The following HCRTR2 variants were observed in gnomAD, a reference collection of about 807,000 sequenced individuals.
HCRTR2 encodes hypocretin receptor 2, also known as orexin receptor type 2.
HCRTR2 carries 22 observed loss-of-function variants against 49.0 expected under a neutral mutation model. That is an observed-to-expected ratio of 0.45 (90% CI 0.32 to 0.64). The LOEUF (loss-of-function observed/expected upper bound fraction) is 0.64, where lower values mean the gene tolerates loss of function less well. Among genes scored for constraint, HCRTR2 ranks in the 30% least tolerant of loss-of-function variants. The pLI is 0.04. For missense variants in HCRTR2, 491 were observed against 559.4 expected (o/e 0.88, Z 1.23); for synonymous variants, 236 against 205.3 (o/e 1.15, Z -1.28).
chr6:55,167,656 A>G (rs1444967567), intron 1 of HCRTR2, among the ~76,000 whole-genome samples: 3 of 152,120 alleles, frequency 2.0e-5, no homozygotes, highest in African/African-American at 7.2e-5. Context: ...GAAAATACAC[A>G]TATTTTGCTC....
At chr6:55,113,702 G>A (rs1764080910) in intron 1 of HCRTR2, among the ~76,000 whole-genome samples, 1 of 151,948 alleles carries the variant, frequency 6.6e-6, no homozygotes, top group East Asian at 1.9e-4. Context: ...TGGTAGGAAT[G>A]TAAACTAGTA....
intron 1 of HCRTR2, among the ~76,000 whole-genome samples, chr6:55,178,188 G>A (rs958354490): frequency 1.3e-5 from 2 of 152,060 alleles, no homozygotes; most frequent in African/African-American, 4.8e-5. Context: ...CAATTGTAGG[G>A]AGAAATGTGT....
chr6:55,237,508 G>C (rs946364539), intron 1 of HCRTR2, among the ~76,000 whole-genome samples: 2 of 152,112 alleles, frequency 1.3e-5, no homozygotes, highest in Non-Finnish European at 2.9e-5. Flanking sequence ...TTTTGGTTAG[G>C]TACTAAATTT....
intron 1 of HCRTR2, among the ~76,000 whole-genome samples, chr6:55,207,345 T>G (rs1053242230): frequency 6.6e-6 from 1 of 151,838 alleles, no homozygotes; most frequent in South Asian, 2.1e-4. Flanking sequence ...TAGAACAGAA[T>G]TTTTTTTGCC....
At position 55,279,520 on chromosome 6, in the gene HCRTR2, A is replaced by AACACACACACACACACAC. The variant is rs34736199; in HGVS notation, c.984-786_984-769dup. 8.1e-3 allele frequency among the ~76,000 whole-genome samples: 1,159 copies of AACACACACACACACACAC among 142,726 alleles called. 7 individuals carry two copies. Among genetic ancestry groups the AACACACACACACACACAC allele is most frequent in the Middle Eastern group, 0.026 (7 of 266 alleles). The allele number at this position is 142,726 out of a possible 152,430, so 93.6% of individuals were successfully genotyped here. A position where few individuals can be genotyped will look rare whatever the true frequency, so the allele number is the denominator to read the frequency against. ...CATTGTTGTCATGCCTTCTTGCTGT[A>AACACACACACACACACAC]ACACACACACACACACACACACACA... On this transcript the variant is annotated intron_variant, in intron 5 of 6. Coordinates refer to ENST00000370862, the MANE Select transcript of HCRTR2 (RefSeq NM_001384272.1).
chr6:55,248,990 A>C (rs1226033365), intron 2 of HCRTR2, among the ~76,000 whole-genome samples, 173 bp downstream of exon 2: 1 of 152,126 alleles, frequency 6.6e-6, no homozygotes, highest in Admixed American at 6.6e-5. Context: ...TTCTGGGTAA[A>C]AATTAAGCAA....
At chr6:55,245,459 T>G (rs1766416446) in intron 1 of HCRTR2, among the ~76,000 whole-genome samples, 1 of 107,560 alleles carries the variant, frequency 9.3e-6, no homozygotes, top group Non-Finnish European at 1.7e-5. Context: ...ATAGAATACA[T>G]AGGAAGATTT....
chr6:55,216,989 A>G (rs902723900), intron 1 of HCRTR2, among the ~76,000 whole-genome samples: 1 of 152,126 alleles, frequency 6.6e-6, no homozygotes, highest in Non-Finnish European at 1.5e-5. Context: ...CACCAGGTGG[A>G]CACTGCCAAG....
chr6:55,203,073 G>A (rs114548951), intron 1 of HCRTR2, among the ~76,000 whole-genome samples: 43 of 152,162 alleles, frequency 2.8e-4, no homozygotes, highest in African/African-American at 8.9e-4. Context: ...CAGTTTTACC[G>A]TTACATCAAA....
intron 1 of HCRTR2, among the ~76,000 whole-genome samples, chr6:55,206,377 CT>C (rs902122235): frequency 3.9e-5 from 6 of 151,900 alleles, no homozygotes; most frequent in Non-Finnish European, 8.8e-5. Context: ...GTGATAGTAC[CT>C]GAGAAATTTC....
chr6:55,212,002 A>G (rs1765704633), intron 1 of HCRTR2, among the ~76,000 whole-genome samples: 1 of 152,134 alleles, frequency 6.6e-6, no homozygotes, highest in Non-Finnish European at 1.5e-5. Flanking sequence ...GGGCTTCTCT[A>G]AAAGTAAGTG....
chr6:55,222,333 T>C (rs920581187), intron 1 of HCRTR2, among the ~76,000 whole-genome samples: 15 of 150,108 alleles, frequency 1.0e-4, no homozygotes, highest in African/African-American at 3.4e-4. Flanking sequence ...GAAAGGGATG[T>C]GGAGAAACTA....
intron 1 of HCRTR2, among the ~76,000 whole-genome samples, chr6:55,126,250 T>C: frequency 6.6e-6 from 1 of 152,176 alleles, no homozygotes; most frequent in East Asian, 1.9e-4. Flanking sequence ...CCTGTCTTTG[T>C]GGATTTATCT....
intron 1 of HCRTR2, among the ~76,000 whole-genome samples, chr6:55,201,246 G>A (rs1450264072): frequency 6.6e-6 from 1 of 152,104 alleles, no homozygotes; most frequent in Non-Finnish European, 1.5e-5. Context: ...GCTTTAGGCA[G>A]AGAAGCATAT....
intron 1 of HCRTR2, among the ~76,000 whole-genome samples, chr6:55,176,519 G>A (rs1402319309): frequency 1.3e-5 from 2 of 152,142 alleles, no homozygotes; most frequent in Non-Finnish European, 2.9e-5. Flanking sequence ...TTATTGATAA[G>A]TGAATAATCA....
At chr6:55,233,132 A>G (rs1351362827) in intron 1 of HCRTR2, among the ~76,000 whole-genome samples, 1 of 150,884 alleles carries the variant, frequency 6.6e-6, no homozygotes, top group Non-Finnish European at 1.5e-5. Context: ...TCTGTTGCTC[A>G]CGCTGGAGTG....
intron 1 of HCRTR2, among the ~76,000 whole-genome samples, chr6:55,148,942 CT>C (rs978898973): frequency 6.6e-6 from 1 of 152,064 alleles, no homozygotes. Context: ...CTGATACTTT[CT>C]TTTTCTTTCC....
intron 1 of HCRTR2, among the ~76,000 whole-genome samples, chr6:55,176,664 CAT>C (rs1307062824): frequency 6.6e-6 from 1 of 152,154 alleles, no homozygotes; most frequent in African/African-American, 2.4e-5. Flanking sequence ...TATTAAGGGA[CAT>C]AATTTAAATT....
At chr6:55,111,060 C>T (rs145568519) in intron 1 of HCRTR2, among the ~76,000 whole-genome samples, 1 of 152,146 alleles carries the variant, frequency 6.6e-6, no homozygotes, top group African/African-American at 2.4e-5. Context: ...TGAAAATCAA[C>T]TTCAAAAGGA....
Sources: gnomAD v4.1 joint callset for allele counts (sites outside exome capture counted in the v4.1 genomes callset) on GRCh38, gnomAD v4.1.1 for gene constraint, MANE v1.5 for transcripts, NCBI Gene and HGNC (gene_info 2026-07-23, HGNC 2026-07-21) for gene names.